Variants in HHAT observed in about 807,000 individuals in gnomAD.
HHAT encodes the protein hedgehog acyltransferase.
HHAT carries 47 observed loss-of-function variants against 70.8 expected under a neutral mutation model. The observed-to-expected ratio is 0.66, with a 90% CI of 0.53 to 0.85. The LOEUF (loss-of-function observed/expected upper bound fraction) is 0.85. HHAT is among the 40% of genes least tolerant of loss of function. HHAT has a pLI of 0.00. For synonymous variants in HHAT, 228 were observed against 247.6 expected (o/e 0.92, Z 0.74); for missense variants, 609 against 604.8 (o/e 1.01, Z -0.07).
chr1:210,511,780 CTTTTTTTTTTTTTTTT>C (rs201825628), intron 8 of HHAT, among the ~76,000 whole-genome samples: 23,122 of 89,118 alleles, frequency 0.26, 2,162 homozygotes, highest in East Asian at 0.38. Context: ...GCCGCCTGGT[CTTTTTTTTTTTTTTTT>C]TTTTTTTTTT....
chr1:210,496,419 T>G (rs569537575), intron 8 of HHAT, among the ~76,000 whole-genome samples: 1 of 152,252 alleles, frequency 6.6e-6, no homozygotes, highest in East Asian at 1.9e-4. Context: ...GAGTATCAGA[T>G]CAAAAGTAAT....
intron 8 of HHAT, among the ~76,000 whole-genome samples, chr1:210,490,285 T>C (rs980608503): frequency 2.0e-5 from 3 of 152,226 alleles, no homozygotes; most frequent in African/African-American, 7.2e-5. Flanking sequence ...AACTCTGGCC[T>C]TTAACACATT....
chr1:210,478,509 G>A (rs1183130267), intron 8 of HHAT, among the ~76,000 whole-genome samples: 10 of 152,104 alleles, frequency 6.6e-5, no homozygotes, highest in Admixed American at 3.3e-4. Context: ...GTGAGGGGCC[G>A]AATCTCTGGA....
intron 11 of HHAT, among the ~76,000 whole-genome samples, chr1:210,665,377 T>C (rs1055900488): frequency 6.6e-6 from 1 of 152,226 alleles, no homozygotes; most frequent in African/African-American, 2.4e-5. Flanking sequence ...ATCTCCTCTC[T>C]TTCCTTCCTT....
chr1:210,514,760 ATAACT>A (rs924695946), intron 9 of HHAT, among the ~76,000 whole-genome samples: 2 of 152,180 alleles, frequency 1.3e-5, no homozygotes, highest in Admixed American at 1.3e-4. Flanking sequence ...TATTCAGCAA[ATAACT>A]TAAGCCTACC....
intron 9 of HHAT, among the ~76,000 whole-genome samples, chr1:210,575,029 G>A (rs1657322260): frequency 6.6e-6 from 1 of 152,196 alleles, no homozygotes; most frequent in Non-Finnish European, 1.5e-5. Flanking sequence ...CTGATTAGAG[G>A]AGGTGTATGT....
chr1:210,378,730 C>G (rs2090415227), intron 3 of HHAT, among the ~76,000 whole-genome samples: 1 of 151,998 alleles, frequency 6.6e-6, no homozygotes, highest in Non-Finnish European at 1.5e-5. Flanking sequence ...GCATTTGTGA[C>G]TGTATTCTAA....
At chr1:210,371,883 G>A (rs1199220868) in intron 3 of HHAT, among the ~76,000 whole-genome samples, 2 of 152,168 alleles carry the variant, frequency 1.3e-5, no homozygotes. Context: ...ATGTTTGAGG[G>A]AGTTCGATGC....
chr1:210,439,569 A>G (rs1351913860), intron 7 of HHAT: 1 of 151,928 alleles, frequency 6.6e-6, no homozygotes, highest in Non-Finnish European at 1.5e-5. Context: ...TATAGGTCAG[A>G]GTTTTGCTAA....
chr1:210,389,619 G>A (rs185165993), intron 4 of HHAT, among the ~76,000 whole-genome samples: 40 of 152,250 alleles, frequency 2.6e-4, no homozygotes, highest in Admixed American at 1.4e-3. Flanking sequence ...GCTCTGCCAC[G>A]GTAAGATATG....
At chr1:210,635,956 C>T (rs1462735001) in intron 11 of HHAT, among the ~76,000 whole-genome samples, 2 of 152,142 alleles carry the variant, frequency 1.3e-5, no homozygotes, top group African/African-American at 2.4e-5. Context: ...AGTGTTTGTT[C>T]TCTGCAGATA....
intron 9 of HHAT, among the ~76,000 whole-genome samples, chr1:210,564,984 T>C (rs943646705): frequency 1.3e-5 from 2 of 152,058 alleles, no homozygotes; most frequent in Non-Finnish European, 2.9e-5. Flanking sequence ...AGAAAGACAT[T>C]TATGAAATGG....
intron 2 of HHAT, among the ~76,000 whole-genome samples, 185 bp downstream of exon 2, chr1:210,349,251 C>T (rs1290062050): frequency 6.6e-6 from 1 of 152,118 alleles, no homozygotes; most frequent in Non-Finnish European, 1.5e-5. Flanking sequence ...CTACCCTAAA[C>T]CTAGGTCTTT....
At chr1:210,423,154 C>T (rs904536026) in intron 7 of HHAT, among the ~76,000 whole-genome samples, 6 of 152,146 alleles carry the variant, frequency 3.9e-5, no homozygotes, top group African/African-American at 1.4e-4. Context: ...TACTGTTCCC[C>T]ATAGCGGCTA....
At chr1:210,534,608 A>G (rs1402006449) in intron 9 of HHAT, among the ~76,000 whole-genome samples, 1 of 152,166 alleles carries the variant, frequency 6.6e-6, no homozygotes, top group Non-Finnish European at 1.5e-5. Context: ...CATGAAATTC[A>G]TTTATGTTTA....
chr1:210,497,776 T>G (rs2094677808), intron 8 of HHAT, among the ~76,000 whole-genome samples: 1 of 151,622 alleles, frequency 6.6e-6, no homozygotes, highest in African/African-American at 2.4e-5. Flanking sequence ...ATTTTTTTTT[T>G]TTTTTTTGAG....
At chr1:210,673,728 A>T (rs1680570953) in intron 11 of HHAT, among the ~76,000 whole-genome samples, 4 of 151,306 alleles carry the variant, frequency 2.6e-5, no homozygotes, top group Admixed American at 2.6e-4. Flanking sequence ...AGTAGCTAGG[A>T]CTACAGAAAC....
chr1:210,652,230 G>A (rs534126248), intron 11 of HHAT, among the ~76,000 whole-genome samples: 1 of 152,100 alleles, frequency 6.6e-6, no homozygotes, highest in Admixed American at 6.5e-5. Flanking sequence ...AGGAAGGAAA[G>A]AAAGAATGGA....
chr1:210,490,457 G>A (rs1400121493), intron 8 of HHAT, among the ~76,000 whole-genome samples: 1 of 152,124 alleles, frequency 6.6e-6, no homozygotes, highest in Non-Finnish European at 1.5e-5. Flanking sequence ...ACTTAGACTT[G>A]GTTCCTGGGA....
Sources: gnomAD v4.1 joint callset for allele counts (sites outside exome capture counted in the v4.1 genomes callset) on GRCh38, gnomAD v4.1.1 for gene constraint, MANE v1.5 for transcripts, NCBI Gene and HGNC (gene_info 2026-07-23, HGNC 2026-07-21) for gene names.